GNB4: variants seen among roughly 807,000 people sequenced by gnomAD.
GNB4 encodes guanine nucleotide-binding protein subunit beta-4.
GNB4 carries 28 observed loss-of-function variants against 45.2 expected under a neutral mutation model. That is an observed-to-expected ratio of 0.62 (90% CI 0.46 to 0.85). The LOEUF is 0.85. Ranked by LOEUF, GNB4 falls within the 40% of genes least tolerant of loss-of-function variation. The pLI is 0.00. For synonymous variants in GNB4, 132 were observed against 143.7 expected (o/e 0.92, Z 0.58); for missense variants, 321 against 425.4 (o/e 0.75, Z 2.16).
intron 4 of GNB4, among the ~76,000 whole-genome samples, chr3:179,418,562 C>T (rs1444373220): frequency 6.6e-6 from 1 of 151,602 alleles, no homozygotes; most frequent in Non-Finnish European, 1.5e-5. Context: ...TGTATCCCTT[C>T]GTAAGAGGCA....
At chr3:179,402,869 G>T (rs147455999) in intron 9 of GNB4, among the ~76,000 whole-genome samples, 4 of 152,308 alleles carry the variant, frequency 2.6e-5, no homozygotes, top group Non-Finnish European at 5.9e-5. Flanking sequence ...CTGCAGTCAG[G>T]TGACAGATCA....
upstream of GNB4, among the ~76,000 whole-genome samples, chr3:179,454,162 G>A (rs1388455887): frequency 1.3e-5 from 2 of 152,160 alleles, no homozygotes; most frequent in African/African-American, 4.8e-5. Flanking sequence ...TTTTGTTTGG[G>A]TGCCACTGGC....
intron 1 of GNB4, among the ~76,000 whole-genome samples, chr3:179,447,850 A>T (rs1403353620): frequency 6.6e-6 from 1 of 152,258 alleles, no homozygotes; most frequent in Non-Finnish European, 1.5e-5. Flanking sequence ...TTTTAGCCTC[A>T]GCAACTGGTG....
At chr3:179,402,742 T>TA (rs1399211293) in intron 9 of GNB4, among the ~76,000 whole-genome samples, 1 of 152,190 alleles carries the variant, frequency 6.6e-6, no homozygotes, top group African/African-American at 2.4e-5. Flanking sequence ...AAAGTGTCCC[T>TA]ACTAGGTAGA....
intron 1 of GNB4, among the ~76,000 whole-genome samples, chr3:179,442,367 G>A (rs59333548): frequency 0.029 from 4,439 of 152,126 alleles, 186 homozygotes; most frequent in African/African-American, 0.092. Flanking sequence ...GTCAATTTAC[G>A]TCAGCTCTGT....
the GNB4 span, among the ~76,000 whole-genome samples, chr3:179,506,400 T>C: frequency 5.9e-5 from 9 of 152,160 alleles, no homozygotes; most frequent in Admixed American, 6.5e-5. Flanking sequence ...TATTTATCTT[T>C]GAGTGATGGG....
intron 1 of GNB4, among the ~76,000 whole-genome samples, chr3:179,450,355 TTAAA>T (rs1405765650): frequency 6.6e-6 from 1 of 152,206 alleles, no homozygotes; most frequent in East Asian, 1.9e-4. Flanking sequence ...CCCTCCCATC[TTAAA>T]TTAAGTAGCG....
the GNB4 span, among the ~76,000 whole-genome samples, chr3:179,476,711 T>A: frequency 6.6e-6 from 1 of 152,242 alleles, no homozygotes; most frequent in Admixed American, 6.5e-5. Flanking sequence ...TTGCATTCTG[T>A]GCACCTGCAG....
At chr3:179,485,012 T>C in the GNB4 span, among the ~76,000 whole-genome samples, 1 of 64,468 alleles carries the variant, frequency 1.6e-5, no homozygotes, top group African/African-American at 3.8e-5. Flanking sequence ...TTTGTTTTTT[T>C]TTTTTTTTTT....
rs775713193 is a variant in GNB4, at chr3:179,433,881, A to G, written c.-42-7639T>C. On this transcript the variant is annotated intron_variant, in intron 1 of 9. Transcript: ENST00000232564. Reference sequence around the variant, plus strand: ...GGCAAACCACAGCAGGAAAAGCTTCAGAGGACCACATACAAATGAAAAGAC... The same window carrying G: ...GGCAAACCACAGCAGGAAAAGCTTCGGAGGACCACATACAAATGAAAAGAC... Among the ~76,000 whole-genome samples, 4 of 152,246 alleles carry G rather than the reference A, an allele frequency of 2.6e-5. No homozygotes were observed. The East Asian group carries it at 7.7e-4, about 29-fold the overall frequency.
chr3:179,505,107 G>T, the GNB4 span, among the ~76,000 whole-genome samples: 4 of 152,090 alleles, frequency 2.6e-5, no homozygotes, highest in African/African-American at 7.2e-5. Flanking sequence ...CAGCTAACCT[G>T]CAGTGAACAG....
intron 4 of GNB4, 58 bp from the exon 5 acceptor site, chr3:179,416,614 G>T: frequency 3.0e-6 from 3 of 984,862 alleles, no homozygotes; most frequent in South Asian, 1.5e-5. Flanking sequence ...AGCTTAAATT[G>T]GTTATGCATT....
intron 1 of GNB4, chr3:179,437,759 G>A (rs549312336): frequency 6.6e-6 from 1 of 152,136 alleles, no homozygotes; most frequent in Non-Finnish European, 1.5e-5. Flanking sequence ...CACATGAGGA[G>A]GACTGCCTGG....
the GNB4 span, among the ~76,000 whole-genome samples, chr3:179,490,632 T>A: frequency 1.3e-5 from 2 of 152,134 alleles, no homozygotes; most frequent in Non-Finnish European, 2.9e-5. Context: ...AAAAACTGAA[T>A]TTCTGATGTC....
intron 1 of GNB4, among the ~76,000 whole-genome samples, chr3:179,430,075 C>CAGAG (rs1173294433): frequency 5.7e-5 from 1 of 17,644 alleles, no homozygotes; most frequent in Non-Finnish European, 1.2e-4. Flanking sequence ...GAGAGAGAGA[C>CAGAG]AGACAGACAG....
the GNB4 span, among the ~76,000 whole-genome samples, chr3:179,487,232 C>T: frequency 6.6e-6 from 1 of 152,212 alleles, no homozygotes; most frequent in Middle Eastern, 3.2e-3. Context: ...ATACTGTTCA[C>T]TGCAATGAAT....
chr3:179,430,354 T>G (rs1715274616), intron 1 of GNB4, among the ~76,000 whole-genome samples: 1 of 152,082 alleles, frequency 6.6e-6, no homozygotes, highest in Admixed American at 6.5e-5. Context: ...CTTTTCAAAG[T>G]GCTGGGATTA....
chr3:179,437,477 A>C (rs543557469), intron 1 of GNB4, among the ~76,000 whole-genome samples: 7 of 152,166 alleles, frequency 4.6e-5, no homozygotes, highest in African/African-American at 1.2e-4. Context: ...AGGCATAAGA[A>C]TCGCTTGAAC....
the GNB4 span, among the ~76,000 whole-genome samples, chr3:179,498,748 GGTTTT>G: frequency 8.5e-6 from 1 of 117,596 alleles, no homozygotes; most frequent in Non-Finnish European, 1.7e-5. Flanking sequence ...GTTGAGGTTT[GGTTTT>G]TTTTTTTTTT....
Sources: allele counts gnomAD v4.1 joint callset (sites outside exome capture counted in the v4.1 genomes callset), GRCh38; gene constraint gnomAD v4.1.1; transcripts MANE v1.5; gene names NCBI Gene and HGNC (gene_info 2026-07-23, HGNC 2026-07-21).